CHN2: variants seen among roughly 807,000 people sequenced by gnomAD.
The protein encoded by CHN2 is chimerin 2.
Under a neutral mutation model 56.3 loss-of-function variants are expected in CHN2, and 35 were observed. That is an observed-to-expected ratio of 0.62 (90% CI 0.47 to 0.82). The LOEUF is 0.82. Among genes scored for constraint, CHN2 ranks in the 40% least tolerant of loss-of-function variants. The pLI is 0.00. For synonymous variants in CHN2, 210 were observed against 212.8 expected, an observed-to-expected ratio of 0.99 and a Z score of 0.12; for missense variants, 491 against 580.5, an observed-to-expected ratio of 0.85 and a Z score of 1.58.
chr7:29,213,064 C>G, intron 1 of CHN2: 5 of 1,606,980 alleles, frequency 3.1e-6, no homozygotes, highest in Non-Finnish European at 4.2e-6. Flanking sequence ...GCAGTTCCAG[C>G]CAAATTCACC....
At chr7:29,248,926 A>C (rs1302306195) in intron 1 of CHN2, among the ~76,000 whole-genome samples, 3 of 152,122 alleles carry the variant, frequency 2.0e-5, no homozygotes, top group African/African-American at 7.2e-5. Context: ...CACCAGGCCT[A>C]TCTGTTCTTC....
chr7:29,511,806 A>ATTT (rs1791458438), intron 12 of CHN2, among the ~76,000 whole-genome samples: 1 of 149,520 alleles, frequency 6.7e-6, no homozygotes, highest in African/African-American at 2.5e-5. Flanking sequence ...TAAAACTTAA[A>ATTT]GTTGTGAAAA....
chr7:29,282,681 A>G (rs1791818133), intron 1 of CHN2, among the ~76,000 whole-genome samples: 1 of 152,248 alleles, frequency 6.6e-6, no homozygotes, highest in African/African-American at 2.4e-5. Flanking sequence ...AAGGGAAAAT[A>G]AATTTGATAC....
At chr7:29,337,677 G>C (rs143736247) in intron 1 of CHN2, among the ~76,000 whole-genome samples, 4 of 152,196 alleles carry the variant, frequency 2.6e-5, no homozygotes, top group African/African-American at 4.8e-5. Flanking sequence ...TGGCATGGAA[G>C]TGATAAATGC....
At chr7:29,437,753 G>A (rs554235336) in intron 6 of CHN2, among the ~76,000 whole-genome samples, 18 of 151,594 alleles carry the variant, frequency 1.2e-4, no homozygotes, top group African/African-American at 2.7e-4. Context: ...AGATTATTTC[G>A]AAAGAAAAAG....
At chr7:29,344,067 C>CTCCTT (rs1373164554) in intron 1 of CHN2, among the ~76,000 whole-genome samples, 2 of 152,308 alleles carry the variant, frequency 1.3e-5, no homozygotes, top group African/African-American at 2.4e-5. Context: ...GTCATGTTCC[C>CTCCTT]TCCTTTCCTT....
chr7:29,329,228 T>A (rs1796028751), intron 1 of CHN2, among the ~76,000 whole-genome samples: 1 of 152,054 alleles, frequency 6.6e-6, no homozygotes, highest in South Asian at 2.1e-4. Context: ...TGGCTTCTGT[T>A]TCTACTGAGC....
At chr7:29,355,840 G>A (rs1471480431) in intron 2 of CHN2, among the ~76,000 whole-genome samples, 1 of 130,306 alleles carries the variant, frequency 7.7e-6, no homozygotes, top group Non-Finnish European at 1.5e-5. Flanking sequence ...CTGGCGTGCA[G>A]TGGCTCAATC....
At chr7:29,170,245 CTTCTT>C (rs1394079608) in intron 2 of CHN2, among the ~76,000 whole-genome samples, 1 of 152,202 alleles carries the variant, frequency 6.6e-6, no homozygotes, top group Admixed American at 6.6e-5. Flanking sequence ...TGATGAAACT[CTTCTT>C]TTGTTTTAAT....
intron 1 of CHN2, among the ~76,000 whole-genome samples, chr7:29,305,707 G>A (rs1349946864): frequency 6.6e-6 from 1 of 150,756 alleles, no homozygotes; most frequent in East Asian, 1.9e-4. Flanking sequence ...AACTCTTTGG[G>A]CCCAAATTTT....
chr7:29,504,832 A>G lies in CHN2; in HGVS notation c.991+11A>G, dbSNP rs757538790. On this transcript the variant is annotated intron_variant, in intron 10 of 12. Coordinates refer to ENST00000222792, the MANE Select transcript of CHN2 (RefSeq NM_004067.4). ...TGGCATTTGACAGAGGTAAGCTTGTACTTTCTTGAATGCCATCTGACATCC... is the reference window on the plus strand; with the variant it reads ...TGGCATTTGACAGAGGTAAGCTTGTGCTTTCTTGAATGCCATCTGACATCC... The G allele has an allele frequency of 1.9e-6, 3 of 1,598,132 alleles. No homozygotes were observed. The Admixed American group carries it at 5.0e-5, about 27-fold the overall frequency.
intron 1 of CHN2, among the ~76,000 whole-genome samples, chr7:29,264,211 C>T (rs1315436723): frequency 2.0e-5 from 3 of 150,340 alleles, no homozygotes; most frequent in Non-Finnish European, 4.4e-5. Flanking sequence ...CCCCTCTGCC[C>T]GGCCACCACC....
intron 6 of CHN2, among the ~76,000 whole-genome samples, chr7:29,466,340 C>T (rs1279172333): frequency 2.0e-5 from 3 of 151,938 alleles, no homozygotes; most frequent in Non-Finnish European, 2.9e-5. Flanking sequence ...TTATTTGGAG[C>T]GAATCTATGT....
At chr7:29,213,043 C>T in intron 1 of CHN2, 8 of 1,608,584 alleles carry the variant, frequency 5.0e-6, no homozygotes, top group Non-Finnish European at 6.8e-6. Context: ...GGAATCTCTG[C>T]AGTCCTGCAT....
intron 6 of CHN2, among the ~76,000 whole-genome samples, chr7:29,426,228 A>AAG (rs1562597644): frequency 2.7e-5 from 4 of 149,710 alleles, no homozygotes; most frequent in African/African-American, 9.9e-5. Context: ...AAAAAAAAAA[A>AAG]GAGTGGACTG....
chr7:29,195,595 C>CGAGAGAGAAAGAGA (rs1783589146), intron 1 of CHN2: 1 of 96,062 alleles, frequency 1.0e-5, no homozygotes, highest in Admixed American at 1.1e-4. Flanking sequence ...GGCACATTTA[C>CGAGAGAGAAAGAGA]GAGAGAGAGA....
chr7:29,318,358 C>T lies in CHN2; in HGVS notation c.50-36267C>T, dbSNP rs934754003. ...CAATAAGGACAGAGTTGAATAGGTG[C>T]GACAGAGACTAGGTGGCCCACAAAG... On this transcript the variant is annotated intron_variant, in intron 1 of 12. Transcript: ENST00000222792. Among the ~76,000 whole-genome samples the T allele has an allele frequency of 7.9e-5, 12 of 152,292 alleles. No homozygotes were observed. In the East Asian group the frequency reaches 9.6e-4, roughly 12 times the overall value.
At chr7:29,176,369 A>G (rs1306733669) in intron 2 of CHN2, among the ~76,000 whole-genome samples, 1 of 152,152 alleles carries the variant, frequency 6.6e-6, no homozygotes, top group Non-Finnish European at 1.5e-5. Context: ...AAAAAGAAAA[A>G]AAAATGCCAA....
intron 3 of CHN2, among the ~76,000 whole-genome samples, chr7:29,392,181 G>T (rs1244995676): frequency 1.3e-5 from 2 of 152,006 alleles, no homozygotes; most frequent in African/African-American, 4.8e-5. Context: ...ACTTTCATTG[G>T]CTTTTCTAGT....
Sources: gnomAD v4.1 joint callset for allele counts (sites outside exome capture counted in the v4.1 genomes callset) on GRCh38, gnomAD v4.1.1 for gene constraint, MANE v1.5 for transcripts, NCBI Gene and HGNC (gene_info 2026-07-23, HGNC 2026-07-21) for gene names.